INVS: variants seen among roughly 807,000 people sequenced by gnomAD.
The protein encoded by INVS is inversion of embryo turning homolog.
Under a neutral mutation model 108.8 loss-of-function variants are expected in INVS, and 86 were observed. That is an observed-to-expected ratio of 0.79 (90% CI 0.66 to 0.95). The LOEUF (loss-of-function observed/expected upper bound fraction) is 0.95. INVS is among the 40% of genes least tolerant of loss of function. The probability of loss-of-function intolerance (pLI) is 0.00; values close to 1 mark genes in which losing one functional copy is unlikely to be tolerated. For synonymous variants in INVS, 455 were observed against 473.5 expected (o/e 0.96, Z 0.51); for missense variants, 1,169 against 1,297.4 (o/e 0.90, Z 1.52).
chr9:100,133,596 A>G (rs902591432), intron 3 of INVS, among the ~76,000 whole-genome samples: 2 of 152,166 alleles, frequency 1.3e-5, no homozygotes, highest in Non-Finnish European at 2.9e-5. Context: ...TTAAAACTCC[A>G]ATGAGATACT....
intron 7 of INVS, 129 bp from the exon 8 acceptor site, chr9:100,246,482 ATAATT>A (rs771574191): frequency 1.3e-4 from 88 of 659,884 alleles, no homozygotes; most frequent in East Asian, 4.4e-4. Flanking sequence ...TAATAAAAAG[ATAATT>A]TAATTTGATT....
intron 3 of INVS, among the ~76,000 whole-genome samples, chr9:100,144,894 A>G (rs940169687): frequency 3.9e-5 from 6 of 152,224 alleles, no homozygotes; most frequent in Admixed American, 1.3e-4. Context: ...CACATTGGGA[A>G]CAGAGACTAG....
rs912574062 is a variant in INVS, at chr9:100,265,008, T to A, written c.1571+80T>A. On this transcript the variant is annotated intron_variant, in intron 11 of 16. Transcript: ENST00000262457. The stretch of plus-strand genomic sequence containing the variant: ...CTCAGGTTGGGTTGCAGTGGCACGA[T>A]CTTGGCTCACTGCAACCTTCGCCTC... 6 of 923,594 alleles carry A rather than the reference T, an allele frequency of 6.5e-6. No homozygotes were observed. The African/African-American group carries it at 9.8e-5, about 15-fold the overall frequency. 57.2% of individuals were successfully genotyped at this position (923,594 alleles called of 1,614,324 possible). A position where few individuals can be genotyped will look rare whatever the true frequency, so the allele number is the denominator to read the frequency against.
chr9:100,175,662 C>G (rs1189177277), intron 3 of INVS: 2 of 646,884 alleles, frequency 3.1e-6, no homozygotes, highest in Non-Finnish European at 2.9e-6. Flanking sequence ...ACCTACCTAC[C>G]CCAGCCTCTA....
intron 5 of INVS, among the ~76,000 whole-genome samples, chr9:100,230,180 G>A (rs1423462214): frequency 6.6e-6 from 1 of 152,046 alleles, no homozygotes; most frequent in Non-Finnish European, 1.5e-5. Flanking sequence ...TAAAATACAT[G>A]TAAAGTATAA....
chr9:100,272,697 C>T (rs1000637792), intron 11 of INVS, among the ~76,000 whole-genome samples, 167 bp from the exon 12 acceptor site: 3 of 151,962 alleles, frequency 2.0e-5, no homozygotes, highest in Admixed American at 6.6e-5. Flanking sequence ...TTGTGCCCCT[C>T]GGAGAAAAAA....
At chr9:100,154,122 C>T (rs934248267) in intron 3 of INVS, among the ~76,000 whole-genome samples, 1 of 151,956 alleles carries the variant, frequency 6.6e-6, no homozygotes, top group Non-Finnish European at 1.5e-5. Context: ...TTAATTGCAG[C>T]ATTATTTGTA....
intron 3 of INVS, among the ~76,000 whole-genome samples, chr9:100,162,699 G>A (rs1168915676): frequency 1.3e-5 from 2 of 151,986 alleles, no homozygotes; most frequent in African/African-American, 4.8e-5. Flanking sequence ...ACCTTGGCGG[G>A]CACCAGTAAT....
At chr9:100,212,355 A>G (rs908894046) in intron 3 of INVS, among the ~76,000 whole-genome samples, 2 of 152,102 alleles carry the variant, frequency 1.3e-5, no homozygotes, top group East Asian at 1.9e-4. Context: ...TCCAATTTAT[A>G]TTCTTTGATT....
chr9:100,290,505 A>T (rs1286882872), intron 13 of INVS, among the ~76,000 whole-genome samples: 1 of 151,964 alleles, frequency 6.6e-6, no homozygotes, highest in Non-Finnish European at 1.5e-5. Flanking sequence ...ATGCACCACC[A>T]TGTCCAGCTA....
chr9:100,105,390 G>A (rs577663820), intron 2 of INVS, among the ~76,000 whole-genome samples: 1 of 152,110 alleles, frequency 6.6e-6, no homozygotes, highest in Non-Finnish European at 1.5e-5. Flanking sequence ...GTAACCTCTG[G>A]CTAAGCTAGA....
intron 2 of INVS, chr9:100,117,388 A>G: frequency 1.3e-6 from 1 of 772,758 alleles, no homozygotes; most frequent in Non-Finnish European, 2.3e-6. Flanking sequence ...GGGAGAAGAG[A>G]CAGATTTCCT....
chr9:100,099,797 C>T (rs1826761342), intron 1 of INVS, among the ~76,000 whole-genome samples: 1 of 152,142 alleles, frequency 6.6e-6, no homozygotes, highest in Non-Finnish European at 1.5e-5. Context: ...TAACTTGGCC[C>T]CAGGTAGCTC....
chr9:100,237,414 A>G (rs1831721217), intron 5 of INVS, among the ~76,000 whole-genome samples: 1 of 151,800 alleles, frequency 6.6e-6, no homozygotes, highest in African/African-American at 2.4e-5. Context: ...ACAAAAAAGA[A>G]CTCCTGAAGC....
chr9:100,256,189 A>C (rs1244915328), intron 10 of INVS, among the ~76,000 whole-genome samples: 1 of 152,086 alleles, frequency 6.6e-6, no homozygotes, highest in East Asian at 1.9e-4. Context: ...TAGATTTTCT[A>C]GTTTATTTGC....
At chr9:100,265,109 A>G (rs1246939553) in intron 11 of INVS, among the ~76,000 whole-genome samples, 181 bp downstream of exon 11, 2 of 151,726 alleles carry the variant, frequency 1.3e-5, no homozygotes, top group African/African-American at 2.4e-5. Context: ...CACCTGGCCA[A>G]TTTTTTTGTA....
intron 3 of INVS, among the ~76,000 whole-genome samples, chr9:100,219,804 G>A (rs1186782527): frequency 6.6e-6 from 1 of 151,918 alleles, no homozygotes; most frequent in African/African-American, 2.4e-5. Context: ...ACTGCTTTGA[G>A]TAAAAAATGA....
At chr9:100,230,698 T>C (rs1251154610) in intron 5 of INVS, among the ~76,000 whole-genome samples, 2 of 152,162 alleles carry the variant, frequency 1.3e-5, no homozygotes, top group African/African-American at 2.4e-5. Context: ...TCCGTATTTT[T>C]AGTAGAGACC....
chr9:100,107,248 G>A (rs1221307134), intron 2 of INVS, among the ~76,000 whole-genome samples: 2 of 152,204 alleles, frequency 1.3e-5, no homozygotes, highest in South Asian at 2.1e-4. Flanking sequence ...TAGAGGAATA[G>A]GCTATCTTGA....
Sources: allele counts gnomAD v4.1 joint callset (sites outside exome capture counted in the v4.1 genomes callset), GRCh38; gene constraint gnomAD v4.1.1; transcripts MANE v1.5; gene names NCBI Gene and HGNC (gene_info 2026-07-23, HGNC 2026-07-21).